MYO9B: variants seen among roughly 807,000 people sequenced by gnomAD.
MYO9B encodes the protein unconventional myosin-IXb.
A neutral mutation model predicts 229.5 loss-of-function variants in MYO9B; 71 were observed. The observed-to-expected ratio is 0.31, with a 90% CI of 0.26 to 0.38. The LOEUF (loss-of-function observed/expected upper bound fraction) is 0.38. Ranked by LOEUF, MYO9B falls within the 10% of genes least tolerant of loss-of-function variation. MYO9B has a pLI of 1.00. For synonymous variants in MYO9B, 1,185 were observed against 1,235.8 expected (o/e 0.96, Z 0.86); for missense variants, 2,255 against 2,920.5 (o/e 0.77, Z 5.25).
intron 6 of MYO9B, among the ~76,000 whole-genome samples, chr19:17,156,222 G>A (rs573032359): frequency 6.6e-6 from 1 of 152,126 alleles, no homozygotes; most frequent in Non-Finnish European, 1.5e-5. Flanking sequence ...GGGCTAGTCA[G>A]AGGGATCCGT....
intron 2 of MYO9B, among the ~76,000 whole-genome samples, chr19:17,109,310 C>T (rs1236127546): frequency 1.3e-5 from 2 of 151,952 alleles, no homozygotes; most frequent in South Asian, 2.1e-4. Flanking sequence ...CGTGGTCCGC[C>T]CACCTCAGCC....
chr19:17,208,380 T>A (rs959727249), intron 35 of MYO9B, among the ~76,000 whole-genome samples: 6 of 147,996 alleles, frequency 4.1e-5, no homozygotes, highest in Non-Finnish European at 7.4e-5. Context: ...CCCCAGCAGT[T>A]GTGTCTTTTT....
At chr19:17,192,720 A>T in intron 20 of MYO9B, 26 bp from the exon 21 acceptor site, 1 of 1,496,906 alleles carries the variant, frequency 6.7e-7, no homozygotes, top group South Asian at 1.3e-5. Flanking sequence ...AGTGCAGCTG[A>T]CCCCACCTGA....
intron 23 of MYO9B, 136 bp downstream of exon 23, chr19:17,197,994 G>A (rs1203972426): frequency 3.7e-6 from 5 of 1,348,808 alleles, no homozygotes; most frequent in East Asian, 2.4e-5. Context: ...CAGGGTAGAG[G>A]TTGTAGTGAG....
intron 1 of MYO9B, among the ~76,000 whole-genome samples, chr19:17,087,861 C>T (rs1354976681): frequency 1.3e-5 from 2 of 148,436 alleles, no homozygotes; most frequent in African/African-American, 5.0e-5. Context: ...ACCTGGGAGG[C>T]GGAGGTTGCA....
intron 3 of MYO9B, among the ~76,000 whole-genome samples, chr19:17,146,617 CATAG>C (rs1338731597): frequency 6.6e-6 from 1 of 151,886 alleles, no homozygotes; most frequent in Admixed American, 6.6e-5. Flanking sequence ...ATGGATTATT[CATAG>C]ATGGATGAGT....
chr19:17,161,986 T>TC (rs2072608142), intron 8 of MYO9B, among the ~76,000 whole-genome samples: 1 of 64,756 alleles, frequency 1.5e-5, no homozygotes, highest in African/African-American at 5.5e-5. Flanking sequence ...AGACCCTGTG[T>TC]CAAAAAAAAA....
chr19:17,186,095 A>C, intron 18 of MYO9B, 94 bp downstream of exon 18: 1 of 1,119,386 alleles, frequency 8.9e-7, no homozygotes, highest in Non-Finnish European at 1.3e-6. Flanking sequence ...TCCACGCAGT[A>C]TGGGGGACGG....
At chr19:17,153,855 A>C in intron 4 of MYO9B, 112 bp from the exon 5 acceptor site, 1 of 773,672 alleles carries the variant, frequency 1.3e-6, no homozygotes, top group Non-Finnish European at 2.3e-6. Flanking sequence ...TACTGTTTTA[A>C]ATTTGTACAT....
chr19:17,083,223 AC>A (rs1190668558), intron 1 of MYO9B, among the ~76,000 whole-genome samples: 1 of 151,770 alleles, frequency 6.6e-6, no homozygotes, highest in Non-Finnish European at 1.5e-5. Context: ...GTTTATAGAG[AC>A]AGGGTTTCAC....
At chr19:17,136,941 A>G (rs2072277759) in intron 2 of MYO9B, among the ~76,000 whole-genome samples, 1 of 152,160 alleles carries the variant, frequency 6.6e-6, no homozygotes, top group Non-Finnish European at 1.5e-5. Flanking sequence ...AATAATTTTT[A>G]AAATTAGGCC....
intron 1 of MYO9B, among the ~76,000 whole-genome samples, chr19:17,083,026 CTTTTT>C (rs71334657): frequency 3.3e-5 from 3 of 90,920 alleles, no homozygotes; most frequent in African/African-American, 4.4e-5. Context: ...GTGAATCTTG[CTTTTT>C]TTTTTTTTTT....
Position 17,172,834 on chromosome 19 carries a change from G to T in MYO9B, c.2011G>T (p.Val671Leu). Residue 671 changes from valine to leucine, a missense_variant, in exon 13 of 40, where the codon GTG (valine) becomes TTG (leucine). Transcript: ENST00000682292. The surrounding 1 kb of genome is among the most constrained non-coding windows in gnomAD (Gnocchi z 8.2). The part of the protein sequence containing the change: ...ALLRGSDSSY[V>L]RELIGMDPVA... The stretch of plus-strand genomic sequence containing the variant: ...GCTGCGGGGCAGTGACAGCTCCTAC[G>T]TGCGGGAGCTCATCGGCATGGACCC... 1 of 1,612,058 alleles carries T rather than the reference G, an allele frequency of 6.2e-7. No homozygotes were observed.
intron 2 of MYO9B, among the ~76,000 whole-genome samples, chr19:17,137,305 G>A (rs908567532): frequency 7.3e-5 from 11 of 151,592 alleles, no homozygotes; most frequent in African/African-American, 1.7e-4. Context: ...TGGGAGGATC[G>A]CCTGAGCCTG....
chr19:17,151,330 C>T (rs557556180), intron 3 of MYO9B, among the ~76,000 whole-genome samples: 121 of 151,758 alleles, frequency 8.0e-4, no homozygotes, highest in Non-Finnish European at 1.5e-3. Context: ...AACACCAGAC[C>T]ATATGGATAC....
intron 3 of MYO9B, among the ~76,000 whole-genome samples, chr19:17,150,285 A>G (rs1599371412): frequency 6.6e-6 from 1 of 152,064 alleles, no homozygotes; most frequent in Admixed American, 6.6e-5. Flanking sequence ...GCTCATGCCT[A>G]TAATCCCAGC....
At chr19:17,124,055 A>T (rs2057991793) in intron 2 of MYO9B, among the ~76,000 whole-genome samples, 1 of 151,982 alleles carries the variant, frequency 6.6e-6, no homozygotes, top group Non-Finnish European at 1.5e-5. Context: ...AGTCTGGCTA[A>T]TTTTTGTATT....
intron 15 of MYO9B, among the ~76,000 whole-genome samples, chr19:17,182,220 C>T (rs2072869609): frequency 6.6e-6 from 1 of 152,086 alleles, no homozygotes; most frequent in Non-Finnish European, 1.5e-5. Flanking sequence ...GCTGGAACTA[C>T]AGGTGCGCAT....
intron 2 of MYO9B, among the ~76,000 whole-genome samples, chr19:17,137,311 G>T (rs368903198): frequency 2.6e-5 from 4 of 151,828 alleles, no homozygotes; most frequent in African/African-American, 9.7e-5. Context: ...GATCGCCTGA[G>T]CCTGGGGGTT....
Sources: allele counts gnomAD v4.1 joint callset (sites outside exome capture counted in the v4.1 genomes callset), GRCh38; gene constraint gnomAD v4.1.1; non-coding constraint Gnocchi (gnomAD v3.1); transcripts MANE v1.5; gene names NCBI Gene and HGNC (gene_info 2026-07-23, HGNC 2026-07-21).